Variants in TBC1D19 observed in about 807,000 individuals in gnomAD.
TBC1D19 encodes TBC1 domain family member 19, also known as TBC1 domain family, member 19.
In TBC1D19, 60 loss-of-function variants were observed where a neutral mutation model predicts 89.0. The ratio of observed to expected loss-of-function variants is 0.67; its 90% CI spans 0.55 to 0.84. The LOEUF (loss-of-function observed/expected upper bound fraction) is 0.84. TBC1D19 is among the 40% of genes least tolerant of loss of function. TBC1D19 has a pLI of 0.00. For synonymous variants in TBC1D19, 189 were observed against 199.7 expected, an observed-to-expected ratio of 0.95 and a Z score of 0.45; for missense variants, 500 against 610.8, an observed-to-expected ratio of 0.82 and a Z score of 1.91.
At chr4:26,796,839 C>T in the TBC1D19 span, among the ~76,000 whole-genome samples, 1 of 152,074 alleles carries the variant, frequency 6.6e-6, no homozygotes, top group Non-Finnish European at 1.5e-5. Context: ...GAAAGCATAT[C>T]TGAGATTACC....
the TBC1D19 span, among the ~76,000 whole-genome samples, chr4:26,814,296 G>A: frequency 2.0e-5 from 3 of 152,292 alleles, no homozygotes; most frequent in East Asian, 3.9e-4. Context: ...TTCAGAGTGT[G>A]CGGTGATAAT....
intron 16 of TBC1D19, 114 bp from the exon 17 acceptor site, chr4:26,739,750 G>C (rs1030168059): frequency 5.6e-6 from 3 of 535,970 alleles, no homozygotes; most frequent in East Asian, 6.9e-5. Flanking sequence ...TTTTAAACTT[G>C]TCTGGTGGTG....
chr4:26,688,523 C>T (rs915110821), intron 13 of TBC1D19, 116 bp downstream of exon 13: 85 of 1,246,096 alleles, frequency 6.8e-5, no homozygotes, highest in Admixed American at 8.3e-5. Context: ...GCATGCTTGT[C>T]GGATGAAATG....
At chr4:26,663,174 G>A (rs962038258) in intron 8 of TBC1D19, 1 of 152,142 alleles carries the variant, frequency 6.6e-6, no homozygotes, top group African/African-American at 2.4e-5. Flanking sequence ...AGAAAAAGAC[G>A]TAAATGATTA....
intron 12 of TBC1D19, among the ~76,000 whole-genome samples, chr4:26,686,528 G>A (rs1005424563): frequency 2.0e-5 from 3 of 151,452 alleles, no homozygotes; most frequent in South Asian, 2.1e-4. Flanking sequence ...TCATTATCAC[G>A]CTCCTGGAGA....
intron 2 of TBC1D19, 98 bp from the exon 3 acceptor site, chr4:26,614,310 A>G (rs1577804471): frequency 1.2e-6 from 1 of 860,238 alleles, no homozygotes; most frequent in East Asian, 2.8e-5. Context: ...TCACAAATTA[A>G]TATGATGCCA....
At position 26,656,153 on chromosome 4, in the gene TBC1D19, T is replaced by A. The variant is rs185131509; in HGVS notation, c.481-3444T>A. ...AAAAAGCATATGTAAGAATAAAATT[T>A]GAAATAATGCACAATGTTATTCTAC... is the stretch of plus-strand genomic sequence containing the variant. On this transcript the variant is annotated intron_variant, in intron 7 of 20. Transcript: ENST00000264866. Among the ~76,000 whole-genome samples, 49 of 152,280 alleles carry A rather than the reference T, an allele frequency of 3.2e-4. 1 individual carries two copies. Among genetic ancestry groups the A allele is most frequent in the Middle Eastern group, 3.4e-3 (1 of 294 alleles).
At chr4:26,605,461 C>T (rs1740932517) in intron 1 of TBC1D19, among the ~76,000 whole-genome samples, 1 of 151,892 alleles carries the variant, frequency 6.6e-6, no homozygotes. Flanking sequence ...CATTGTTGGA[C>T]ATTTGGGTTG....
At chr4:26,842,639 T>TCTTC in the TBC1D19 span, among the ~76,000 whole-genome samples, 152 of 147,440 alleles carry the variant, frequency 1.0e-3, 1 homozygote, top group African/African-American at 3.6e-3. Context: ...TTTCTTTCTT[T>TCTTC]CTTTCTTTTT....
Position 26,584,299 on chromosome 4 carries a change from G to A in TBC1D19, c.99+7G>A. 1.2e-6 allele frequency: 2 copies of A among 1,604,470 alleles called. No individual in the cohort carries two copies. Among genetic ancestry groups the A allele is most frequent in the South Asian group, 2.3e-5 (2 of 88,850 alleles). On this transcript the variant is annotated splice_region_variant and intron_variant, in intron 1 of 20. Coordinates refer to ENST00000264866, the MANE Select transcript of TBC1D19 (RefSeq NM_018317.4). The stretch of plus-strand genomic sequence containing the variant: ...GCTGGAACGGCAGGCCTGGGTAAGT[G>A]AGGCCGAGTGGGAAGGGATGCAGAC...
chr4:26,618,197 G>A (rs950269718), intron 3 of TBC1D19, among the ~76,000 whole-genome samples: 1 of 152,108 alleles, frequency 6.6e-6, no homozygotes, highest in Non-Finnish European at 1.5e-5. Context: ...CATCCCAGTT[G>A]GGCATACAGA....
At chr4:26,769,456 A>G in the TBC1D19 span, among the ~76,000 whole-genome samples, 1 of 152,316 alleles carries the variant, frequency 6.6e-6, no homozygotes, top group African/African-American at 2.4e-5. Flanking sequence ...ATAATAATAA[A>G]TCATGAGATT....
At chr4:26,666,305 T>C in intron 8 of TBC1D19, 28 bp from the exon 9 acceptor site, 1 of 1,581,612 alleles carries the variant, frequency 6.3e-7, no homozygotes, top group East Asian at 2.2e-5. Context: ...CTGAGATCTA[T>C]GTTAATTCTA....
intron 7 of TBC1D19, among the ~76,000 whole-genome samples, chr4:26,646,906 A>G (rs1433598379): frequency 2.6e-5 from 4 of 152,200 alleles, no homozygotes; most frequent in Admixed American, 6.5e-5. Context: ...CTGCACATGT[A>G]CCCTAGAACT....
At chr4:26,768,669 G>A in the TBC1D19 span, among the ~76,000 whole-genome samples, 2 of 152,038 alleles carry the variant, frequency 1.3e-5, no homozygotes, top group South Asian at 2.1e-4. Flanking sequence ...AAAAAATAGT[G>A]TCTAAGATGA....
At chr4:26,728,358 CCTA>C (rs1220491642) in intron 15 of TBC1D19, among the ~76,000 whole-genome samples, 1 of 152,114 alleles carries the variant, frequency 6.6e-6, no homozygotes, top group Non-Finnish European at 1.5e-5. Flanking sequence ...TCAAAATATG[CCTA>C]CTATTTATTA....
At chr4:26,791,385 G>A in the TBC1D19 span, among the ~76,000 whole-genome samples, 1 of 152,186 alleles carries the variant, frequency 6.6e-6, no homozygotes, top group Admixed American at 6.5e-5. Flanking sequence ...TGAGCAAGGA[G>A]AGTCCAGCTC....
At chr4:26,649,796 AG>A (rs1744217121) in intron 7 of TBC1D19, among the ~76,000 whole-genome samples, 1 of 151,740 alleles carries the variant, frequency 6.6e-6, no homozygotes, top group Non-Finnish European at 1.5e-5. Flanking sequence ...TGTGCCATGT[AG>A]GTGTGCTGCA....
At chr4:26,629,702 C>T (rs945506664) in intron 4 of TBC1D19, among the ~76,000 whole-genome samples, 3 of 151,888 alleles carry the variant, frequency 2.0e-5, no homozygotes, top group African/African-American at 7.2e-5. Flanking sequence ...ATATGACATG[C>T]TGTTTCCAAA....
Sources: allele counts gnomAD v4.1 joint callset (sites outside exome capture counted in the v4.1 genomes callset), GRCh38; gene constraint gnomAD v4.1.1; transcripts MANE v1.5; gene names NCBI Gene and HGNC (gene_info 2026-07-23, HGNC 2026-07-21).